Variants in PLCB1 observed in about 807,000 individuals in gnomAD.
PLCB1 encodes 1-phosphatidylinositol 4,5-bisphosphate phosphodiesterase beta-1.
PLCB1 carries 46 observed loss-of-function variants against 161.8 expected under a neutral mutation model. The ratio of observed to expected loss-of-function variants is 0.28; its 90% confidence interval spans 0.22 to 0.36. The LOEUF (loss-of-function observed/expected upper bound fraction) is 0.36. Ranked by LOEUF, PLCB1 falls within the 10% of genes least tolerant of loss-of-function variation. The probability of loss-of-function intolerance (pLI) is 1.00; values close to 1 mark genes in which losing one functional copy is unlikely to be tolerated. For synonymous variants in PLCB1, 517 were observed against 503.7 expected (o/e 1.03, Z -0.35); for missense variants, 1,016 against 1,472.5 (o/e 0.69, Z 5.07).
At chr20:8,635,725 T>A (rs1257389224) in intron 4 of PLCB1, among the ~76,000 whole-genome samples, 1 of 152,166 alleles carries the variant, frequency 6.6e-6, no homozygotes, top group African/African-American at 2.4e-5. Context: ...GAGAGGGGAA[T>A]TTCTTTTAAG....
intron 3 of PLCB1, among the ~76,000 whole-genome samples, chr20:8,564,603 AT>A (rs1270304262): frequency 6.6e-6 from 1 of 152,192 alleles, no homozygotes; most frequent in Non-Finnish European, 1.5e-5. Context: ...AAGGGCTAAT[AT>A]TCAGAATCTA....
chr20:8,571,180 A>T (rs1278668519), intron 3 of PLCB1, among the ~76,000 whole-genome samples: 2 of 152,178 alleles, frequency 1.3e-5, no homozygotes, highest in African/African-American at 4.8e-5. Flanking sequence ...TGTTTTTTAG[A>T]AATCTGTTTG....
At chr20:8,781,870 AC>A (rs892543500) in intron 27 of PLCB1, among the ~76,000 whole-genome samples, 33 of 152,088 alleles carry the variant, frequency 2.2e-4, no homozygotes, top group African/African-American at 7.7e-4. Flanking sequence ...GGAAAGACCC[AC>A]CCCCATAATT....
At chr20:8,556,982 TA>T (rs1195441318) in intron 3 of PLCB1, among the ~76,000 whole-genome samples, 371 of 100,604 alleles carry the variant, frequency 3.7e-3, no homozygotes, top group African/African-American at 0.014. Flanking sequence ...AATAAATAAA[TA>T]AAATAAATAA....
At chr20:8,548,507 TCCTC>T (rs149347905) in intron 3 of PLCB1, among the ~76,000 whole-genome samples, 13,731 of 149,770 alleles carry the variant, frequency 0.092, 797 homozygotes, top group East Asian at 0.16. Context: ...CTTTCTTACT[TCCTC>T]CCTCCCTCCC....
chr20:8,676,398 AAAGAAAGAAAGAAAGAG>A (rs1990075717), intron 9 of PLCB1, among the ~76,000 whole-genome samples: 3 of 150,466 alleles, frequency 2.0e-5, no homozygotes, highest in East Asian at 2.0e-4. Context: ...AGAGACAAAG[AAAGAAAGAAAGAAAGAG>A]AAGAAAGAAA....
intron 2 of PLCB1, among the ~76,000 whole-genome samples, chr20:8,162,114 C>A (rs781753897): frequency 1.3e-5 from 2 of 152,090 alleles, no homozygotes; most frequent in Non-Finnish European, 1.5e-5. Context: ...TTATTATATT[C>A]TGTCGATGAA....
intron 3 of PLCB1, among the ~76,000 whole-genome samples, chr20:8,465,852 A>G (rs1290454574): frequency 6.6e-6 from 1 of 151,222 alleles, no homozygotes. Flanking sequence ...GTGGAGAAAC[A>G]GGAACACTTT....
chr20:8,261,689 T>C (rs6133561), intron 2 of PLCB1, among the ~76,000 whole-genome samples: 45,345 of 151,956 alleles, frequency 0.3, 7,248 homozygotes, highest in East Asian at 0.44. Flanking sequence ...GTAGAGTGCA[T>C]GATATCTCCT....
intron 3 of PLCB1, among the ~76,000 whole-genome samples, chr20:8,521,358 G>A (rs535473623): frequency 6.6e-6 from 1 of 152,114 alleles, no homozygotes; most frequent in Admixed American, 6.5e-5. Context: ...AGGTATTGAG[G>A]GCCTACTACG....
chr20:8,712,800 C>T (rs1979090383), intron 12 of PLCB1, among the ~76,000 whole-genome samples: 1 of 152,192 alleles, frequency 6.6e-6, no homozygotes, highest in African/African-American at 2.4e-5. Context: ...GCCCCAGACG[C>T]TCACACCTTG....
rs571266390 is a variant in PLCB1, at chr20:8,482,319, G to T, written c.246+110869G>T. Among the ~76,000 whole-genome samples, 164 of 152,054 alleles carry T rather than the reference G, an allele frequency of 1.1e-3. 1 individual carries two copies. Among genetic ancestry groups the T allele is most frequent in the Middle Eastern group, 6.8e-3 (2 of 294 alleles). ...GGGTTTCACCACGTTGGGCAGGATGGTCTAGATCTCTTGATCTTGTGATCC... is the reference window on the plus strand; with the variant it reads ...GGGTTTCACCACGTTGGGCAGGATGTTCTAGATCTCTTGATCTTGTGATCC... On this transcript the variant is annotated intron_variant, in intron 3 of 31. Transcript: ENST00000338037.
At chr20:8,346,199 C>T (rs1985995708) in intron 2 of PLCB1, among the ~76,000 whole-genome samples, 1 of 152,168 alleles carries the variant, frequency 6.6e-6, no homozygotes, top group Admixed American at 6.5e-5. Context: ...CTAATTTCAA[C>T]CTTTTCCTGC....
At chr20:8,682,968 A>C (rs1303736118) in intron 9 of PLCB1, among the ~76,000 whole-genome samples, 1 of 152,168 alleles carries the variant, frequency 6.6e-6, no homozygotes, top group Non-Finnish European at 1.5e-5. Flanking sequence ...ATACTAGTGA[A>C]AAAATTAGAA....
At chr20:8,320,934 AGAG>A (rs373506058) in intron 2 of PLCB1, among the ~76,000 whole-genome samples, 22 of 151,622 alleles carry the variant, frequency 1.5e-4, no homozygotes, top group African/African-American at 5.3e-4. Flanking sequence ...AGGAAGAAGA[AGAG>A]AAGAAAAGGA....
At chr20:8,483,551 GA>G (rs1982595164) in intron 3 of PLCB1, among the ~76,000 whole-genome samples, 3 of 152,164 alleles carry the variant, frequency 2.0e-5, no homozygotes, top group African/African-American at 7.2e-5. Context: ...TTCTCTGCCT[GA>G]AGCCATAAGT....
intron 3 of PLCB1, among the ~76,000 whole-genome samples, chr20:8,589,208 C>CGCCT (rs1555774463): frequency 1.7e-4 from 7 of 42,262 alleles, no homozygotes; most frequent in Admixed American, 5.9e-4. Context: ...TTGAAACTCA[C>CGCCT]TCCTTCATTC....
chr20:8,334,352 CAT>C (rs1358442145), intron 2 of PLCB1, among the ~76,000 whole-genome samples: 1 of 152,204 alleles, frequency 6.6e-6, no homozygotes, highest in Non-Finnish European at 1.5e-5. Flanking sequence ...TCATCTGCCT[CAT>C]AGATTTATAA....
Position 8,882,030 on chromosome 20 carries a change from CA to C in PLCB1, c.*182del. On this transcript the variant is annotated 3_prime_UTR_variant, in exon 32 of 32. Transcript: ENST00000338037. ...ATTCCCATGCCCAGGCTCCATGTGT[CA>C]TGTGGAAACCTCCACAGGTCTGCTA... 1 of 590,344 alleles carries C rather than the reference CA, an allele frequency of 1.7e-6. No homozygotes were observed. Among genetic ancestry groups the C allele is most frequent in the South Asian group, 2.1e-5 (1 of 48,164 alleles). The allele number at this position is 590,344 out of a possible 1,614,324, so 36.6% of individuals were successfully genotyped here.
Sources: gnomAD v4.1 joint callset for allele counts (sites outside exome capture counted in the v4.1 genomes callset) on GRCh38, gnomAD v4.1.1 for gene constraint, MANE v1.5 for transcripts, NCBI Gene and HGNC (gene_info 2026-07-23, HGNC 2026-07-21) for gene names.